Variants in ZC3H14 observed in about 807,000 individuals in gnomAD.
The protein encoded by ZC3H14 is zinc finger CCCH domain-containing protein 14.
ZC3H14 carries 31 observed loss-of-function variants against 92.4 expected under a neutral mutation model. That is an observed-to-expected ratio of 0.34 (90% confidence interval 0.25 to 0.45). ZC3H14 has a LOEUF of 0.45. Among genes scored for constraint, ZC3H14 ranks in the 20% least tolerant of loss-of-function variants. ZC3H14 has a pLI of 1.00. For missense variants in ZC3H14, 781 were observed against 897.3 expected, an observed-to-expected ratio of 0.87 and a Z score of 1.66; for synonymous variants, 321 against 300.9, an observed-to-expected ratio of 1.07 and a Z score of -0.69.
At position 88,626,730 on chromosome 14, in the gene ZC3H14, G is replaced by A. The variant is rs545807263; in HGVS notation, c.*14979G>A. 2.3e-5 allele frequency: 25 copies of A among 1,090,820 alleles called. No homozygotes were observed. In the East Asian group the frequency reaches 5.4e-4, roughly 24 times the overall value. The allele number at this position is 1,090,820 out of a possible 1,614,324, so 67.6% of individuals were successfully genotyped here. On this transcript the variant is annotated 3_prime_UTR_variant, in exon 17 of 17. Transcript: ENST00000251038. Reference sequence around the variant, plus strand: ...TATATGCTTGACCAGGGCATGTAATGATTAGCAGATCACAGTATCATCTCA... The same window carrying A: ...TATATGCTTGACCAGGGCATGTAATAATTAGCAGATCACAGTATCATCTCA...
chr14:88,594,743 A>T (rs756401001), intron 9 of ZC3H14: 2 of 1,613,964 alleles, frequency 1.2e-6, no homozygotes, highest in African/African-American at 2.7e-5. Context: ...ATGTCTTCAA[A>T]GTTTCCATCA....
chr14:88,625,296 C>T lies in ZC3H14; in HGVS notation c.*13545C>T. ...CGAGTCAGGAAACCTGAACGGGAGG[C>T]TTAGCTTTGTCAGGACCTTTTCCTT... On this transcript the variant is annotated 3_prime_UTR_variant, in exon 17 of 17. Coordinates refer to ENST00000251038, the MANE Select transcript of ZC3H14 (RefSeq NM_024824.5). 1.5e-6 allele frequency: 1 copy of T among 681,346 alleles called. No homozygotes were observed. Among genetic ancestry groups the T allele is most frequent in the Non-Finnish European group, 2.3e-6 (1 of 428,632 alleles). 42.2% of individuals were successfully genotyped at this position (681,346 alleles called of 1,614,324 possible). A position where few individuals can be genotyped will look rare whatever the true frequency, so the allele number is the denominator to read the frequency against.
chr14:88,566,643 A>G (rs905261674), intron 2 of ZC3H14, among the ~76,000 whole-genome samples: 1 of 152,178 alleles, frequency 6.6e-6, no homozygotes, highest in East Asian at 1.9e-4. Context: ...AATTTGTCAC[A>G]GCATGGTGGT....
At chr14:88,566,217 G>A (rs975779600) in intron 2 of ZC3H14, among the ~76,000 whole-genome samples, 9 of 151,422 alleles carry the variant, frequency 5.9e-5, no homozygotes, top group Admixed American at 5.9e-4. Flanking sequence ...TGTTACTTGT[G>A]TTAATATAAT....
intron 2 of ZC3H14, among the ~76,000 whole-genome samples, chr14:88,565,035 T>C (rs912000130): frequency 2.0e-5 from 3 of 152,202 alleles, no homozygotes; most frequent in Admixed American, 2.0e-4. Context: ...AGCTTTCAAA[T>C]GAAAATTAGA....
intron 2 of ZC3H14, among the ~76,000 whole-genome samples, chr14:88,564,159 C>T (rs955992408): frequency 2.6e-5 from 4 of 152,210 alleles, no homozygotes; most frequent in African/African-American, 9.6e-5. Flanking sequence ...GTTTTTAGAA[C>T]TCTGATGTTG....
At chr14:88,575,812 A>G (rs748881331) in intron 7 of ZC3H14, 28 bp from the exon 8 acceptor site, 6 of 1,588,066 alleles carry the variant, frequency 3.8e-6, no homozygotes, top group Non-Finnish European at 5.2e-6. Flanking sequence ...TTAAAGTTTA[A>G]TAAAAATACC....
intron 8 of ZC3H14, 39 bp downstream of exon 8, chr14:88,575,979 T>A: frequency 6.6e-7 from 1 of 1,513,000 alleles, no homozygotes; most frequent in Admixed American, 1.7e-5. Context: ...GGTAAGACAT[T>A]TCTGTAATTC....
In ZC3H14 at chr14:88,578,073, G is replaced by T. The variant is rs1157518873; in HGVS notation, c.1212G>T (p.Arg404Ser). Reference sequence around the variant, plus strand: ...CAGAAGTGGTCCAGGGACAAAGTAGGACCCCCAGAATAAGTCCCCCCATTA... The same window carrying T: ...CAGAAGTGGTCCAGGGACAAAGTAGTACCCCCAGAATAAGTCCCCCCATTA... ...LLAEVVQGQS[R>S]TPRISPPIKE... is the part of the protein sequence containing the mutation. The change falls in exon 9 of 17, where the codon AGG becomes AGT. Residue 404 changes from arginine to serine, a missense_variant. Transcript: ENST00000251038. 6.2e-7 allele frequency: 1 copy of T among 1,613,996 alleles called. No individual in the cohort carries two copies. The highest frequency in any genetic ancestry group is 8.5e-7 in the Non-Finnish European group (1 of 1,180,000).
chr14:88,564,950 T>A (rs2079377472), intron 2 of ZC3H14, among the ~76,000 whole-genome samples: 1 of 152,160 alleles, frequency 6.6e-6, no homozygotes, highest in African/African-American at 2.4e-5. Flanking sequence ...TTACATACAC[T>A]AGGATATTTG....
In ZC3H14 at chr14:88,612,049, A is replaced by G. The variant is rs1249042644; in HGVS notation, c.*298A>G. 1.6e-5 allele frequency: 7 copies of G among 428,434 alleles called. No individual in the cohort carries two copies. Among genetic ancestry groups the G allele is most frequent in the Non-Finnish European group, 2.5e-5 (6 of 236,994 alleles). The allele number at this position is 428,434 out of a possible 1,614,324, so 26.5% of individuals were successfully genotyped here. A position where few individuals can be genotyped will look rare whatever the true frequency, so the allele number is the denominator to read the frequency against. ...GCACTGCTGTTGTGAGGATCAGCAT[A>G]TGAAATTGACATCATGGTTAGTCAT... On this transcript the variant is annotated 3_prime_UTR_variant, in exon 17 of 17. Coordinates refer to ENST00000251038, the MANE Select transcript of ZC3H14 (RefSeq NM_024824.5).
intron 13 of ZC3H14, 26 bp from the exon 14 acceptor site, chr14:88,609,241 A>G: frequency 6.2e-7 from 1 of 1,613,586 alleles, no homozygotes; most frequent in Non-Finnish European, 8.5e-7. Flanking sequence ...ATTGAATATG[A>G]AATATGCTTT....
chr14:88,604,590 GCTTT>G (rs745514888), intron 12 of ZC3H14, among the ~76,000 whole-genome samples: 10 of 135,172 alleles, frequency 7.4e-5, no homozygotes, highest in Non-Finnish European at 8.1e-5. Flanking sequence ...TTTATAGCTT[GCTTT>G]CTTTGTTTTT....
intron 2 of ZC3H14, among the ~76,000 whole-genome samples, chr14:88,566,017 G>GCCCCCCCCCCCCCCCCC (rs2079532433): frequency 7.5e-5 from 1 of 13,398 alleles, no homozygotes; most frequent in Non-Finnish European, 1.8e-4. Context: ...ACAGGCACCT[G>GCCCCCCCCCCCCCCCCC]CCACCACCCC....
intron 5 of ZC3H14, 137 bp from the exon 6 acceptor site, chr14:88,572,441 A>G: frequency 3.3e-6 from 4 of 1,211,602 alleles, no homozygotes; most frequent in Non-Finnish European, 4.7e-6. Flanking sequence ...GTGCAATTTC[A>G]AAGCAGTTTT....
At chr14:88,588,398 A>G (rs1285419439) in intron 9 of ZC3H14, among the ~76,000 whole-genome samples, 1 of 152,228 alleles carries the variant, frequency 6.6e-6, no homozygotes, top group African/African-American at 2.4e-5. Flanking sequence ...CTATCCTTGT[A>G]CTTGTTTGAT....
chr14:88,607,001 G>A (rs2085511903), intron 12 of ZC3H14, among the ~76,000 whole-genome samples: 1 of 152,026 alleles, frequency 6.6e-6, no homozygotes, highest in Non-Finnish European at 1.5e-5. Context: ...TGAAAAATTT[G>A]GCCGTAGTTG....
At chr14:88,609,450 G>T in intron 14 of ZC3H14, 47 bp downstream of exon 14, 1 of 1,612,820 alleles carries the variant, frequency 6.2e-7, no homozygotes, top group South Asian at 1.1e-5. Flanking sequence ...AATATAAAAT[G>T]GCATTTTGTG....
intron 9 of ZC3H14, among the ~76,000 whole-genome samples, chr14:88,582,240 A>G (rs1595614810): frequency 6.6e-6 from 1 of 152,214 alleles, no homozygotes; most frequent in South Asian, 2.1e-4. Flanking sequence ...GCCTCTTGAT[A>G]CAAAAGAACA....
Sources: allele counts gnomAD v4.1 joint callset (sites outside exome capture counted in the v4.1 genomes callset), GRCh38; gene constraint gnomAD v4.1.1; transcripts MANE v1.5; gene names NCBI Gene and HGNC (gene_info 2026-07-23, HGNC 2026-07-21).